The following MTDH variants were observed in gnomAD, a reference collection of about 807,000 sequenced individuals.
MTDH encodes protein LYRIC.
MTDH carries 34 observed loss-of-function variants against 72.7 expected under a neutral mutation model. That is an observed-to-expected ratio of 0.47 (90% CI 0.36 to 0.62). The LOEUF is 0.62. MTDH is among the 20% of genes least tolerant of loss of function. The probability of loss-of-function intolerance (pLI) is 0.00; values close to 1 mark genes in which losing one functional copy is unlikely to be tolerated. For synonymous variants in MTDH, 266 were observed against 268.9 expected (o/e 0.99, Z 0.10); for missense variants, 677 against 699.4 (o/e 0.97, Z 0.36).
rs769453134 is a variant in MTDH at position 97,687,419 on chromosome 8, G to A, written c.569-10G>A. On this transcript the variant is annotated splice_polypyrimidine_tract_variant and intron_variant, in intron 3 of 11. Transcript: ENST00000336273. The stretch of plus-strand genomic sequence containing the variant: ...TACTGAATAACATTTTTTTTCTGGG[G>A]CTATGTCAGGAGCCTGGGAAACTAA... The A allele has an allele frequency of 6.4e-7, 1 of 1,566,064 alleles. No individual in the cohort carries two copies. The highest frequency in any genetic ancestry group is 8.6e-7 in the Non-Finnish European group (1 of 1,156,926).
At chr8:97,661,616 T>C (rs1812173815) in intron 2 of MTDH, among the ~76,000 whole-genome samples, 1 of 152,214 alleles carries the variant, frequency 6.6e-6, no homozygotes, top group Non-Finnish European at 1.5e-5. Context: ...CATAATTGTC[T>C]ATTTACTAGA....
rs1406544523 is a variant in MTDH at position 97,644,530 on chromosome 8, C to T, written c.24C>T (p.Asp8=). ...AGATGGCTGCACGGAGCTGGCAGGA[C>T]GAGCTGGCCCAGCAGGCCGAGGAGG... is the stretch of plus-strand genomic sequence containing the variant. MAARSWQ[D]ELAQQAEEGS... Residue 8 remains aspartate (D), a synonymous_variant, in exon 1 of 12, where the codon GAC becomes GAT. Transcript: ENST00000336273. The T allele has an allele frequency of 2.5e-6, 4 of 1,594,280 alleles. No homozygotes were observed. Among genetic ancestry groups the T allele is most frequent in the Admixed American group, 3.4e-5 (2 of 58,412 alleles).
chr8:97,706,793 A>T, intron 8 of MTDH, 43 bp downstream of exon 8: 1 of 1,589,314 alleles, frequency 6.3e-7, no homozygotes, highest in South Asian at 1.1e-5. Context: ...TTAATGAAAG[A>T]GACAGGCTGG....
In MTDH at chr8:97,726,189, A is replaced by G. The variant is rs1205681949; in HGVS notation, c.*1519A>G. 1 of 152,632 alleles carries G rather than the reference A, an allele frequency of 6.6e-6. No individual in the cohort carries two copies. Among genetic ancestry groups the G allele is most frequent in the East Asian group, 1.9e-4 (1 of 5,202 alleles). 9.5% of individuals were successfully genotyped at this position (152,632 alleles called of 1,614,324 possible). Reference sequence around the variant, plus strand: ...TAATGGACAGCTTTCCTAACAAGAGATTATTAACTTTTATCAGGTGTTAAC... The same window carrying G: ...TAATGGACAGCTTTCCTAACAAGAGGTTATTAACTTTTATCAGGTGTTAAC... On this transcript the variant is annotated 3_prime_UTR_variant, in exon 12 of 12. Transcript: ENST00000336273.
chr8:97,656,981 C>CA (rs113063188), intron 1 of MTDH, among the ~76,000 whole-genome samples: 4,596 of 130,572 alleles, frequency 0.035, 161 homozygotes, highest in African/African-American at 0.089. Flanking sequence ...GACTGTGTCT[C>CA]AAAAAAAAAA....
At chr8:97,647,259 T>C (rs1811602288) in intron 1 of MTDH, among the ~76,000 whole-genome samples, 1 of 152,156 alleles carries the variant, frequency 6.6e-6, no homozygotes, top group Admixed American at 6.5e-5. Flanking sequence ...AAAGATATAC[T>C]TAAGAAATTA....
chr8:97,689,175 C>A, intron 5 of MTDH, 72 bp downstream of exon 5: 2 of 760,762 alleles, frequency 2.6e-6, no homozygotes, highest in Non-Finnish European at 2.2e-6. Flanking sequence ...CCTCTTTCCT[C>A]AAATGAATGA....
Position 97,661,182 on chromosome 8 carries a change from G to A in MTDH, c.483+9G>A. ...ACAAGAAAAATGAAAAGGTAAGTTT[G>A]GGAGCATATGAAATTGTATGCAAGA... On this transcript the variant is annotated intron_variant, in intron 2 of 11. Transcript: ENST00000336273. The A allele has an allele frequency of 6.3e-7, 1 of 1,590,914 alleles. No homozygotes were observed. Among genetic ancestry groups the A allele is most frequent in the Non-Finnish European group, 8.6e-7 (1 of 1,163,560 alleles).
chr8:97,678,537 A>G (rs1355147168), intron 2 of MTDH, among the ~76,000 whole-genome samples: 1 of 144,288 alleles, frequency 6.9e-6, no homozygotes, highest in African/African-American at 2.6e-5. Context: ...CGAGTCATAC[A>G]TTTTTTCTCC....
intron 2 of MTDH, among the ~76,000 whole-genome samples, chr8:97,684,569 G>A (rs936695790): frequency 6.6e-6 from 1 of 152,176 alleles, no homozygotes; most frequent in Non-Finnish European, 1.5e-5. Flanking sequence ...CCTGTGGCTT[G>A]CAAAGCCTAA....
intron 6 of MTDH, among the ~76,000 whole-genome samples, chr8:97,692,766 G>C (rs1813665782): frequency 6.6e-6 from 1 of 150,584 alleles, no homozygotes; most frequent in Non-Finnish European, 1.5e-5. Flanking sequence ...GTCTCTCTCT[G>C]TTACCCAGGC....
chr8:97,678,553 C>T (rs1812942770), intron 2 of MTDH, among the ~76,000 whole-genome samples: 1 of 150,560 alleles, frequency 6.6e-6, no homozygotes, highest in South Asian at 2.1e-4. Context: ...TCTCCTTTCT[C>T]CCTCTTTCTC....
intron 1 of MTDH, among the ~76,000 whole-genome samples, chr8:97,656,690 T>TG (rs1811992531): frequency 6.6e-6 from 1 of 151,766 alleles, no homozygotes; most frequent in Non-Finnish European, 1.5e-5. Flanking sequence ...CTTAGCCTGA[T>TG]GCCTGGTACT....
chr8:97,690,820 A>G (rs1002866654), intron 5 of MTDH, 132 bp from the exon 6 acceptor site: 5 of 658,746 alleles, frequency 7.6e-6, no homozygotes, highest in African/African-American at 7.3e-5. Context: ...AATTAAGGCA[A>G]TCCTTGGTGA....
At position 97,724,987 on chromosome 8, in the gene MTDH, T is replaced by G. The variant is rs1815298692; in HGVS notation, c.*317T>G. 5.6e-6 allele frequency: 1 copy of G among 177,612 alleles called. No homozygotes were observed. Among genetic ancestry groups the G allele is most frequent in the Admixed American group, 5.9e-5 (1 of 16,956 alleles). The allele number at this position is 177,612 out of a possible 1,614,324, so 11.0% of individuals were successfully genotyped here. A position where few individuals can be genotyped will look rare whatever the true frequency, so the allele number is the denominator to read the frequency against. On this transcript the variant is annotated 3_prime_UTR_variant, in exon 12 of 12. Coordinates refer to ENST00000336273, the MANE Select transcript of MTDH (RefSeq NM_178812.4). ...ACAACAGATTGTGCCCTATCTCATC[T>G]GCAGCCGAGGAATAAAGGATTCTGA...
chr8:97,698,385 G>C (rs1340322236), intron 6 of MTDH, among the ~76,000 whole-genome samples: 5 of 152,150 alleles, frequency 3.3e-5, no homozygotes, highest in Non-Finnish European at 7.3e-5. Context: ...CAAGGGGTTT[G>C]ACCTGGCATC....
At chr8:97,718,526 GT>G (rs10708788) in intron 9 of MTDH, among the ~76,000 whole-genome samples, 61,323 of 143,768 alleles carry the variant, frequency 0.43, 16,089 homozygotes, top group African/African-American at 0.73. Context: ...TGTTTTTTTT[GT>G]TTTTTTTTTG....
At chr8:97,705,551 G>T (rs1814317331) in intron 7 of MTDH, among the ~76,000 whole-genome samples, 1 of 152,264 alleles carries the variant, frequency 6.6e-6, no homozygotes, top group Non-Finnish European at 1.5e-5. Flanking sequence ...AGTTAGCTGA[G>T]ATCATGCCAC....
chr8:97,720,715 G>A lies in MTDH; in HGVS notation c.1521+1526G>A, dbSNP rs563066231. 3.5e-5 allele frequency among the ~76,000 whole-genome samples: 5 copies of A among 144,134 alleles called. No homozygotes were observed. In the East Asian group the frequency reaches 6.3e-4, roughly 18 times the overall value. 94.6% of individuals were successfully genotyped at this position (144,134 alleles called of 152,430 possible). A position where few individuals can be genotyped will look rare whatever the true frequency, so the allele number is the denominator to read the frequency against. On this transcript the variant is annotated intron_variant, in intron 10 of 11. Coordinates refer to ENST00000336273, the MANE Select transcript of MTDH (RefSeq NM_178812.4). ...AGGCTGGAGTGCAGTGACGCAATCC[G>A]CAATCTCGGCTCGCTGCAACCTCTA...
Sources: gnomAD v4.1 joint callset for allele counts (sites outside exome capture counted in the v4.1 genomes callset) on GRCh38, gnomAD v4.1.1 for gene constraint, MANE v1.5 for transcripts, NCBI Gene and HGNC (gene_info 2026-07-23, HGNC 2026-07-21) for gene names.